Variants in PNLDC1 observed in about 807,000 individuals in gnomAD.
The protein encoded by PNLDC1 is poly(A)-specific ribonuclease PNLDC1.
PNLDC1 carries 70 observed loss-of-function variants against 82.0 expected under a neutral mutation model. That is an observed-to-expected ratio of 0.85 (90% CI 0.70 to 1.04). The LOEUF (loss-of-function observed/expected upper bound fraction) is 1.04. PNLDC1 is among the 50% of genes least tolerant of loss of function. The probability of loss-of-function intolerance (pLI) is 0.00; values close to 1 mark genes in which losing one functional copy is unlikely to be tolerated. For missense variants in PNLDC1, 631 were observed against 661.1 expected (o/e 0.95, Z 0.50); for synonymous variants, 280 against 249.3 (o/e 1.12, Z -1.16).
rs1292203669 is a variant in PNLDC1, at chr6:159,809,043, A to G, written c.668A>G (p.His223Arg). The stretch of plus-strand genomic sequence containing the variant: ...GTAGTGAAGAAAGTGAGTAAACAAC[A>G]TCGTTGGTATCTTCAGAACACCTCT... ...GVVVKKVSKQ[H>R]RWYLQNTSCD... is the part of the protein sequence containing the mutation. Residue 223 changes from histidine (H) to arginine (R), a missense_variant, in exon 9 of 19, where the codon CAT (histidine) becomes CGT (arginine). Transcript: ENST00000392167. 4 of 1,613,598 alleles carry G rather than the reference A, an allele frequency of 2.5e-6. No homozygotes were observed. The highest frequency in any genetic ancestry group is 1.1e-5 in the South Asian group (1 of 90,974).
intron 13 of PNLDC1, among the ~76,000 whole-genome samples, chr6:159,816,279 T>C (rs1001326318): frequency 4.7e-5 from 7 of 147,984 alleles, no homozygotes; most frequent in Non-Finnish European, 3.0e-5. Context: ...CTGCCCCAAA[T>C]GAGCGAGCCC....
chr6:159,803,443 T>C, intron 4 of PNLDC1, 133 bp downstream of exon 4: 1 of 753,438 alleles, frequency 1.3e-6, no homozygotes, highest in Admixed American at 2.3e-5. Flanking sequence ...TGTCTGTTCC[T>C]CCACTCACTC....
At chr6:159,808,964 G>T (rs754654908) in intron 8 of PNLDC1, 51 bp from the exon 9 acceptor site, 1 of 1,602,024 alleles carries the variant, frequency 6.2e-7, no homozygotes, top group Non-Finnish European at 8.5e-7. Context: ...CATTTCTTTA[G>T]GCCTCATTCC....
In PNLDC1 at chr6:159,801,741, TG is replaced by T. The variant is rs909870309; in HGVS notation, c.208+557del. 8.6e-5 allele frequency among the ~76,000 whole-genome samples: 13 copies of T among 151,832 alleles called. 1 individual carries two copies. The highest frequency in any genetic ancestry group is 2.9e-4 in the African/African-American group (12 of 41,304). ...AATTATAAGCGTGAGCAACCACACCTGGCCTGTGATTTTTTTTTCTTAAGAA... is the reference window on the plus strand; with the variant it reads ...AATTATAAGCGTGAGCAACCACACCTGCCTGTGATTTTTTTTTCTTAAGAA... On this transcript the variant is annotated intron_variant, in intron 3 of 18. Transcript: ENST00000392167.
chr6:159,809,197 CTT>C lies in PNLDC1; in HGVS notation c.783+41_783+42del, dbSNP rs754695235. ...TCTCTTTTCTTGGCCTAAAGGCAGTCTTTAGTATTTCTGGTCATAGATACTAA... is the reference window on the plus strand; with the variant it reads ...TCTCTTTTCTTGGCCTAAAGGCAGTCTAGTATTTCTGGTCATAGATACTAA... On this transcript the variant is annotated intron_variant, in intron 9 of 18. Coordinates refer to ENST00000392167, the MANE Select transcript of PNLDC1 (RefSeq NM_001271862.2). 12 of 1,602,344 alleles carry C rather than the reference CTT, an allele frequency of 7.5e-6. No homozygotes were observed. The South Asian group carries it at 1.4e-4, about 18-fold the overall frequency.
chr6:159,807,966 T>C (rs1469923875), intron 7 of PNLDC1, among the ~76,000 whole-genome samples: 1 of 151,306 alleles, frequency 6.6e-6, no homozygotes, highest in Non-Finnish European at 1.5e-5. Context: ...CAAGCTGGAG[T>C]GCAGTGGCAC....
intron 12 of PNLDC1, among the ~76,000 whole-genome samples, chr6:159,813,898 G>A (rs563668874): frequency 3.9e-5 from 6 of 152,228 alleles, no homozygotes; most frequent in South Asian, 2.1e-4. Context: ...AAACAGTTGC[G>A]CGATTACTGT....
intron 5 of PNLDC1, 31 bp from the exon 6 acceptor site, chr6:159,804,518 G>A (rs374414484): frequency 1.4e-6 from 2 of 1,451,718 alleles, no homozygotes; most frequent in African/African-American, 2.8e-5. Context: ...TTGTCTCCTT[G>A]TTCTGTTTGT....
chr6:159,817,535 T>G (rs1233191008), intron 15 of PNLDC1, among the ~76,000 whole-genome samples: 1 of 152,196 alleles, frequency 6.6e-6, no homozygotes, highest in Non-Finnish European at 1.5e-5. Flanking sequence ...GAGGAGAAAG[T>G]GTTCAGGTCA....
chr6:159,800,850 C>G, intron 2 of PNLDC1, 21 bp downstream of exon 2: 7 of 1,613,992 alleles, frequency 4.3e-6, no homozygotes, highest in Non-Finnish European at 5.9e-6. Context: ...AGCTGTGTCC[C>G]CTCTGTATAA....
At chr6:159,800,192 C>T (rs1218997787), upstream of PNLDC1, 4 of 982,962 alleles carry the variant, frequency 4.1e-6, no homozygotes, top group Non-Finnish European at 5.9e-6. Flanking sequence ...GGGGCGGAGG[C>T]AGCTGCCTGG....
At chr6:159,813,580 G>C (rs750530197) in intron 11 of PNLDC1, 21 bp from the exon 12 acceptor site, 2 of 1,601,054 alleles carry the variant, frequency 1.2e-6, no homozygotes, top group Admixed American at 3.3e-5. Flanking sequence ...TTTTCCTCTG[G>C]TTTGTTTTCC....
rs779274812 is a variant in PNLDC1 at position 159,806,044 on chromosome 6, G to A, written c.523G>A (p.Ala175Thr). Reference sequence around the variant, plus strand: ...CGAAGTGACGCGGTGGCTGGAGCTGGCCAAGGAAGGCGACTGGATGACTCT... The same window carrying A: ...CGAAGTGACGCGGTGGCTGGAGCTGACCAAGGAAGGCGACTGGATGACTCT... ...IDEVTRWLEL[A>T]KEGDWMTLPG... The change falls in exon 7 of 19, where the codon GCC becomes ACC. Residue 175 changes from alanine to threonine, a missense_variant. Transcript: ENST00000392167. The A allele has an allele frequency of 1.2e-6, 2 of 1,614,162 alleles. No homozygotes were observed. Among genetic ancestry groups the A allele is most frequent in the South Asian group, 2.2e-5 (2 of 91,080 alleles).
intron 10 of PNLDC1, 108 bp from the exon 11 acceptor site, chr6:159,811,591 TCA>T (rs1781646961): frequency 3.9e-6 from 3 of 776,646 alleles, no homozygotes; most frequent in Non-Finnish European, 6.6e-6. Flanking sequence ...CTGTTTTGTT[TCA>T]GTTTGCTTTA....
intron 12 of PNLDC1, 46 bp from the exon 13 acceptor site, chr6:159,815,923 T>A (rs768636556): frequency 6.8e-7 from 1 of 1,470,604 alleles, no homozygotes; most frequent in Non-Finnish European, 9.5e-7. Context: ...CAAGAAGGGA[T>A]TACTTTCAGC....
chr6:159,800,681 G>A (rs762290652), intron 1 of PNLDC1, 91 bp from the exon 2 acceptor site: 37 of 1,613,934 alleles, frequency 2.3e-5, no homozygotes, highest in Non-Finnish European at 3.1e-5. Context: ...AGAGGTGAGC[G>A]CGGGTGCCTT....
At position 159,819,170 on chromosome 6, in the gene PNLDC1, G is replaced by C. The variant is rs756924721; in HGVS notation, c.1433+49G>C. ...CCCCACCCCTCGTGCGTTCATCCCT[G>C]TATCTCTCTGACTCCACCCGCCTGA... On this transcript the variant is annotated intron_variant, in intron 17 of 18. Transcript: ENST00000392167. The surrounding 1 kb of genome is among the most constrained non-coding windows in gnomAD (Gnocchi z 4.6). The C allele has an allele frequency of 6.2e-7, 1 of 1,610,006 alleles. No individual in the cohort carries two copies. Among genetic ancestry groups the C allele is most frequent in the Non-Finnish European group, 8.5e-7 (1 of 1,177,172 alleles).
rs775972546 is a variant in PNLDC1 at position 159,806,033 on chromosome 6, G to A, written c.512G>A (p.Trp171Ter). 1 of 1,614,084 alleles carries A rather than the reference G, an allele frequency of 6.2e-7. No individual in the cohort carries two copies. Among genetic ancestry groups the A allele is most frequent in the Non-Finnish European group, 8.5e-7 (1 of 1,180,046 alleles). The change falls in exon 7 of 19, where the codon TGG becomes TAG. Residue 171 changes from tryptophan (W) to a stop codon, truncating the protein, a stop_gained. Transcript: ENST00000392167. LOFTEE classifies it high-confidence loss of function. ...IKVVIDEVTR[W>*]LELAKEGDWM... The stretch of plus-strand genomic sequence containing the variant: ...GTGGTGATTGACGAAGTGACGCGGT[G>A]GCTGGAGCTGGCCAAGGAAGGCGAC...
At position 159,820,454 on chromosome 6, in the gene PNLDC1, A is replaced by T; in HGVS notation, c.1533A>T (p.Gln511His). The T allele has an allele frequency of 6.2e-7, 1 of 1,613,988 alleles. No individual in the cohort carries two copies. The highest frequency in any genetic ancestry group is 8.5e-7 in the Non-Finnish European group (1 of 1,179,992). Residue 511 changes from glutamine (Q) to histidine (H), a missense_variant and splice_region_variant, in exon 19 of 19, where the codon CAA becomes CAT. By Grantham distance (24) the Gln-to-His change is conservative. Coordinates refer to ENST00000392167, the MANE Select transcript of PNLDC1 (RefSeq NM_001271862.2). The part of the protein sequence containing the change: ...RHSPNVNCLL[Q>H]VCGIVTAWAL... ...ACTGACACGTGTCATTGTCTTGCAG[A>T]GTCTGTGGCATAGTGACTGCCTGGG...
Sources: allele counts gnomAD v4.1 joint callset (sites outside exome capture counted in the v4.1 genomes callset), GRCh38; gene constraint gnomAD v4.1.1; non-coding constraint Gnocchi (gnomAD v3.1); transcripts MANE v1.5; gene names NCBI Gene and HGNC (gene_info 2026-07-23, HGNC 2026-07-21).